HNRNPDL: variants seen among roughly 807,000 people sequenced by gnomAD.
HNRNPDL encodes heterogeneous nuclear ribonucleoprotein D-like.
A neutral mutation model predicts 48.0 loss-of-function variants in HNRNPDL; 18 were observed. That is an observed-to-expected ratio of 0.38 (90% CI 0.26 to 0.56). The LOEUF (loss-of-function observed/expected upper bound fraction) is 0.56. Among genes scored for constraint, HNRNPDL ranks in the 20% least tolerant of loss-of-function variants. The pLI, the probability that HNRNPDL is intolerant of heterozygous loss-of-function variation, is 0.77. For missense variants in HNRNPDL, 553 were observed against 540.7 expected (o/e 1.02, Z -0.23); for synonymous variants, 306 against 207.3 (o/e 1.48, Z -4.09).
In HNRNPDL at chr4:82,428,002, A is replaced by G. The variant is rs1721490578; in HGVS notation, c.774+16T>C. ...TAAACACATCAAGCTTAACATGTGT[A>G]AACATAATCACACACCTCTCCAAAG... On this transcript the variant is annotated intron_variant, in intron 3 of 7. Coordinates refer to ENST00000295470, the MANE Select transcript of HNRNPDL (RefSeq NM_031372.4). 1 of 1,609,090 alleles carries G rather than the reference A, an allele frequency of 6.2e-7. No homozygotes were observed. The highest frequency in any genetic ancestry group is 8.5e-7 in the Non-Finnish European group (1 of 1,176,438).
chr4:82,429,265 C>T lies in HNRNPDL; in HGVS notation c.426G>A (p.Lys142=), dbSNP rs762623646. The T allele has an allele frequency of 4.3e-6, 7 of 1,613,502 alleles. No homozygotes were observed. The highest frequency in any genetic ancestry group is 5.1e-6 in the Non-Finnish European group (6 of 1,179,926). The stretch of plus-strand genomic sequence containing the variant: ...TGCGGTACCCGTCATCCTGCTGATT[C>T]TTGCTCGCGTTGATCTTGGATCCCT... ...FAEGSKINAS[K]NQQDDGKMFI... is the part of the protein sequence containing the mutation. The change falls in exon 1 of 8, where the codon AAG becomes AAA. Residue 142 remains lysine, a synonymous_variant. Coordinates refer to ENST00000295470, the MANE Select transcript of HNRNPDL (RefSeq NM_031372.4).
chr4:82,426,351 T>A (rs1721406645), intron 6 of HNRNPDL, 112 bp downstream of exon 6: 1 of 1,017,340 alleles, frequency 9.8e-7, no homozygotes, highest in Admixed American at 2.1e-5. Flanking sequence ...CTCAAACACT[T>A]AACTCCGAAC....
At position 82,423,325 on chromosome 4, in the gene HNRNPDL, A is replaced by T. The variant is rs1721267034; in HGVS notation, c.*1581T>A. Reference sequence around the variant, plus strand: ...ATTCACTACCCTAGACACCGCACCTACTGACAACACAACTTAAAAATGAAC... The same window carrying T: ...ATTCACTACCCTAGACACCGCACCTTCTGACAACACAACTTAAAAATGAAC... On this transcript the variant is annotated 3_prime_UTR_variant, in exon 8 of 8. Transcript: ENST00000295470. The T allele has an allele frequency of 6.6e-6, 1 of 152,182 alleles. No individual in the cohort carries two copies. Among genetic ancestry groups the T allele is most frequent in the Non-Finnish European group, 1.5e-5 (1 of 68,042 alleles). The allele number at this position is 152,182 out of a possible 1,614,324, so 9.4% of individuals were successfully genotyped here. A position where few individuals can be genotyped will look rare whatever the true frequency, so the allele number is the denominator to read the frequency against.
intron 7 of HNRNPDL, 132 bp from the exon 8 acceptor site, chr4:82,425,015 G>A (rs933982092): frequency 6.6e-6 from 1 of 152,084 alleles, no homozygotes; most frequent in Non-Finnish European, 1.5e-5. Flanking sequence ...ATATTTATTG[G>A]TAAAATACAG....
chr4:82,427,848 G>C (rs1721482991), intron 3 of HNRNPDL, among the ~76,000 whole-genome samples, 170 bp downstream of exon 3: 1 of 152,172 alleles, frequency 6.6e-6, no homozygotes, highest in Non-Finnish European at 1.5e-5. Context: ...TTAGATAGTT[G>C]GGTTTCCATC....
chr4:82,428,760 A>C (rs1165012378), intron 1 of HNRNPDL, among the ~76,000 whole-genome samples: 2 of 152,194 alleles, frequency 1.3e-5, no homozygotes, highest in Admixed American at 1.3e-4. Context: ...ATCTTATCTT[A>C]CTTAGGTCCA....
chr4:82,426,729 A>G (rs1721427197), intron 5 of HNRNPDL, 96 bp from the exon 6 acceptor site: 1 of 994,474 alleles, frequency 1.0e-6, no homozygotes, highest in Non-Finnish European at 1.6e-6. Context: ...CAAATCTTAA[A>G]GGGCAGAATG....
chr4:82,428,416 A>G lies in HNRNPDL; in HGVS notation c.474T>C (p.Asp158=). The G allele has an allele frequency of 6.2e-7, 1 of 1,610,882 alleles. No homozygotes were observed. Among genetic ancestry groups the G allele is most frequent in the Non-Finnish European group, 8.5e-7 (1 of 1,177,788 alleles). The change falls in exon 2 of 8, where the codon GAT becomes GAC. Residue 158 remains aspartate (D), a synonymous_variant. Coordinates refer to ENST00000295470, the MANE Select transcript of HNRNPDL (RefSeq NM_031372.4). ...ACTCTGTCAGATCTTTTTTGCTTGTATCCCAGCTCAAGCCTCCAATAAACA... is the reference window on the plus strand; with the variant it reads ...ACTCTGTCAGATCTTTTTTGCTTGTGTCCCAGCTCAAGCCTCCAATAAACA... ...GKMFIGGLSW[D]TSKKDLTEYL...
At position 82,422,648 on chromosome 4, in the gene HNRNPDL, C is replaced by T. The variant is rs1013076723; in HGVS notation, c.*2258G>A. ...ATTAACATGTTAACCAAAGAAATTA[C>T]TAAGGTGTTTTGTTAGGATAACATC... On this transcript the variant is annotated 3_prime_UTR_variant, in exon 8 of 8. Coordinates refer to ENST00000295470, the MANE Select transcript of HNRNPDL (RefSeq NM_031372.4). The T allele has an allele frequency of 6.6e-6, 1 of 152,166 alleles. No individual in the cohort carries two copies. The highest frequency in any genetic ancestry group is 2.4e-5 in the African/African-American group (1 of 41,440). The allele number at this position is 152,166 out of a possible 1,614,324, so 9.4% of individuals were successfully genotyped here. A position where few individuals can be genotyped will look rare whatever the true frequency, so the allele number is the denominator to read the frequency against.
chr4:82,429,214 G>A (rs773946538), intron 1 of HNRNPDL, 34 bp downstream of exon 1: 2 of 1,599,174 alleles, frequency 1.3e-6, no homozygotes, highest in Non-Finnish European at 1.7e-6. Flanking sequence ...CGGCGCGCTG[G>A]GGGAGGGGGA....
At chr4:82,428,881 A>G (rs1257303557) in intron 1 of HNRNPDL, among the ~76,000 whole-genome samples, 5 of 152,206 alleles carry the variant, frequency 3.3e-5, no homozygotes, top group African/African-American at 9.6e-5. Context: ...TCAGTCCTCT[A>G]AAACTCTTCC....
rs1267817044 is a variant in HNRNPDL, at chr4:82,429,626, A to G, written c.65T>C (p.Leu22Ser). Residue 22 changes from leucine to serine, a missense_variant, in exon 1 of 8, where the codon TTA becomes TCA. Leu to Ser is a moderately radical substitution (Grantham distance 145). This residue lies in a region of HNRNPDL where 327 missense variants were observed against 203.2 expected (regional missense o/e 1.61). Transcript: ENST00000295470. The part of the protein sequence containing the change: ...PPLFPSAPAT[L>S]ASRSLSHWRP... ...CCAATGGGAGAGGCTGCGGGAGGCT[A>G]AAGTAGCGGGAGCGGAGGGGAACAA... The G allele has an allele frequency of 4.4e-6, 6 of 1,374,020 alleles. No individual in the cohort carries two copies. The Admixed American group carries it at 1.2e-4, about 27-fold the overall frequency. The allele number at this position is 1,374,020 out of a possible 1,614,324, so 85.1% of individuals were successfully genotyped here.
intron 6 of HNRNPDL, 48 bp downstream of exon 6, chr4:82,426,415 A>T (rs1300657560): frequency 6.6e-7 from 1 of 1,508,402 alleles, no homozygotes; most frequent in African/African-American, 1.4e-5. Flanking sequence ...TATGTTAACA[A>T]TGAATTTTAA....
chr4:82,426,462 C>T lies in HNRNPDL; in HGVS notation c.1192+1G>A. On this transcript the variant is annotated splice_donor_variant, in intron 6 of 7. Transcript: ENST00000295470. LOFTEE classifies it high-confidence loss of function. ...TATAAAATTAAGTTAAATATTCTTACCACTGTAGTCTGCATATCCCTGTCC... is the reference window on the plus strand; with the variant it reads ...TATAAAATTAAGTTAAATATTCTTATCACTGTAGTCTGCATATCCCTGTCC... 6.2e-7 allele frequency: 1 copy of T among 1,606,360 alleles called. No homozygotes were observed. Among genetic ancestry groups the T allele is most frequent in the Non-Finnish European group, 8.5e-7 (1 of 1,173,624 alleles).
At position 82,429,516 on chromosome 4, in the gene HNRNPDL, G is replaced by C. The variant is rs893530874; in HGVS notation, c.175C>G (p.Arg59Gly). 12 of 1,505,010 alleles carry C rather than the reference G, an allele frequency of 8.0e-6. No individual in the cohort carries two copies. Among genetic ancestry groups the C allele is most frequent in the Non-Finnish European group, 1.1e-5 (12 of 1,128,268 alleles). The allele number at this position is 1,505,010 out of a possible 1,614,324, so 93.2% of individuals were successfully genotyped here. A position where few individuals can be genotyped will look rare whatever the true frequency, so the allele number is the denominator to read the frequency against. ...GAGGGCTGCTGGGCGGTGACGTGGC[G>C]CTGGGCCCGGCGCGCCCCCTGCCGG... ...SARQGARRAQ[R>G]HVTAQQPSRL... The change falls in exon 1 of 8, where the codon CGC (arginine) becomes GGC (glycine). Residue 59 changes from arginine (R) to glycine (G), a missense_variant. Coordinates refer to ENST00000295470, the MANE Select transcript of HNRNPDL (RefSeq NM_031372.4).
At position 82,427,198 on chromosome 4, in the gene HNRNPDL, C is replaced by A; in HGVS notation, c.1013G>T (p.Arg338Leu). The A allele has an allele frequency of 6.2e-7, 1 of 1,609,112 alleles. No individual in the cohort carries two copies. The change falls in exon 5 of 8, where the codon CGT becomes CTT. Residue 338 changes from arginine (R) to leucine (L), a missense_variant. By Grantham distance (102) the Arg-to-Leu change is moderately radical. Coordinates refer to ENST00000295470, the MANE Select transcript of HNRNPDL (RefSeq NM_031372.4). ...AAGGRGGTRG[R>L]GRGQGQNWNQ... Reference sequence around the variant, plus strand: ...CAAGAATTAAGTCTCACCTCGGCCACGACCCCTCGTACCACCTCGTCCACC... The same window carrying A: ...CAAGAATTAAGTCTCACCTCGGCCAAGACCCCTCGTACCACCTCGTCCACC...
Position 82,428,335 on chromosome 4 carries a change from A to G in HNRNPDL, c.555T>C (p.Thr185=), listed in dbSNP as rs1721505406. The G allele has an allele frequency of 1.2e-6, 2 of 1,614,050 alleles. No homozygotes were observed. Among genetic ancestry groups the G allele is most frequent in the East Asian group, 2.2e-5 (1 of 44,864 alleles). The change falls in exon 2 of 8, where the codon ACT becomes ACC. Residue 185 remains threonine, a synonymous_variant. Coordinates refer to ENST00000295470, the MANE Select transcript of HNRNPDL (RefSeq NM_031372.4). ...VDCTIKTDPV[T]GRSRGFGFVL... The stretch of plus-strand genomic sequence containing the variant: ...CAAATCCAAATCCTCTTGATCTCCC[A>G]GTGACTGGATCTGTTTTAATTGTGC...
intron 1 of HNRNPDL, 29 bp downstream of exon 1, chr4:82,429,219 G>T: frequency 6.2e-7 from 1 of 1,603,868 alleles, no homozygotes; most frequent in Non-Finnish European, 8.5e-7. Flanking sequence ...CGCTGGGGGA[G>T]GGGGAGCGGG....
rs560004661 is a variant in HNRNPDL at position 82,423,907 on chromosome 4, T to C, written c.*999A>G. On this transcript the variant is annotated 3_prime_UTR_variant, in exon 8 of 8. Coordinates refer to ENST00000295470, the MANE Select transcript of HNRNPDL (RefSeq NM_031372.4). Reference sequence around the variant, plus strand: ...CATGCACTGTGTCAAAAACTAGATTTACTATCAAGACTTTTTCTAAACTCA... The same window carrying C: ...CATGCACTGTGTCAAAAACTAGATTCACTATCAAGACTTTTTCTAAACTCA... The C allele has an allele frequency of 1.5e-4, 23 of 152,356 alleles. No individual in the cohort carries two copies. Among genetic ancestry groups the C allele is most frequent in the African/African-American group, 5.0e-4 (21 of 41,592 alleles). 9.4% of individuals were successfully genotyped at this position (152,356 alleles called of 1,614,324 possible). A position where few individuals can be genotyped will look rare whatever the true frequency, so the allele number is the denominator to read the frequency against.
Sources: gnomAD v4.1 joint callset for allele counts (sites outside exome capture counted in the v4.1 genomes callset) on GRCh38, gnomAD v4.1.1 for gene constraint, gnomAD v4.1.1 regional missense constraint, MANE v1.5 for transcripts, NCBI Gene and HGNC (gene_info 2026-07-23, HGNC 2026-07-21) for gene names.